The following AKR1C4 variants were observed in gnomAD, a reference collection of about 807,000 sequenced individuals.
The protein encoded by AKR1C4 is aldo-keto reductase family 1 member C4, also known as 3-alpha-HSD1.
In AKR1C4, 44 loss-of-function variants were observed where a neutral mutation model predicts 41.0. That is an observed-to-expected ratio of 1.07 (90% CI 0.84 to 1.38). The LOEUF (loss-of-function observed/expected upper bound fraction) is 1.38, where lower values mean the gene tolerates loss of function less well. Ranked by LOEUF, AKR1C4 falls within the 40% of genes most tolerant of loss-of-function variation. AKR1C4 has a pLI of 0.00. For synonymous variants in AKR1C4, 165 were observed against 137.7 expected (o/e 1.20, Z -1.39); for missense variants, 438 against 387.9 (o/e 1.13, Z -1.09).
chr10:5,208,776 A>G (rs1361706988), intron 5 of AKR1C4, among the ~76,000 whole-genome samples: 3 of 151,554 alleles, frequency 2.0e-5, no homozygotes, highest in Admixed American at 6.5e-5. Context: ...TAAATAGAAG[A>G]TGAAAAAATT....
chr10:5,216,165 A>G (rs558259291), intron 7 of AKR1C4, among the ~76,000 whole-genome samples: 4 of 152,332 alleles, frequency 2.6e-5, no homozygotes, highest in African/African-American at 9.6e-5. Context: ...GAGGGAAAAA[A>G]AGAAAATGTC....
chr10:5,197,682 G>C (rs1291527942), intron 1 of AKR1C4, among the ~76,000 whole-genome samples: 1 of 152,186 alleles, frequency 6.6e-6, no homozygotes, highest in Non-Finnish European at 1.5e-5. Flanking sequence ...TTCTACACTG[G>C]AAGAAAACTT....
At chr10:5,199,862 A>G (rs182011045) in intron 1 of AKR1C4, among the ~76,000 whole-genome samples, 112 of 152,304 alleles carry the variant, frequency 7.4e-4, no homozygotes, top group Non-Finnish European at 1.3e-3. Flanking sequence ...TCCTTGCCAT[A>G]AGGTAGAGGG....
chr10:5,204,763 G>A (rs1554797308), intron 3 of AKR1C4: 27 of 504,592 alleles, frequency 5.4e-5, no homozygotes, highest in Middle Eastern at 3.0e-4. Context: ...CTTAATTAGG[G>A]TTCCTGAGTC....
intron 7 of AKR1C4, among the ~76,000 whole-genome samples, chr10:5,213,574 G>C (rs782066078): frequency 1.3e-5 from 2 of 151,870 alleles, no homozygotes; most frequent in Non-Finnish European, 2.9e-5. Context: ...GAAATCTTTG[G>C]GTATTTTATT....
intron 1 of AKR1C4, 95 bp from the exon 2 acceptor site, chr10:5,200,086 C>A: frequency 6.7e-7 from 1 of 1,498,682 alleles, no homozygotes; most frequent in Non-Finnish European, 9.0e-7. Flanking sequence ...AGCCACACCC[C>A]CACTGCACAC....
chr10:5,199,476 C>T (rs7096122), intron 1 of AKR1C4, among the ~76,000 whole-genome samples: 3,123 of 152,222 alleles, frequency 0.021, 108 homozygotes, highest in African/African-American at 0.07. Flanking sequence ...CTGCCATGCC[C>T]CCATCCTGTG....
chr10:5,205,322 C>A (rs1393911385), intron 3 of AKR1C4, among the ~76,000 whole-genome samples: 1 of 152,134 alleles, frequency 6.6e-6, no homozygotes, highest in Non-Finnish European at 1.5e-5. Flanking sequence ...AAAGAACTTC[C>A]ATTTGAACAT....
At chr10:5,200,451 T>G in intron 2 of AKR1C4, 103 bp downstream of exon 2, 1 of 1,491,516 alleles carries the variant, frequency 6.7e-7, no homozygotes, top group Non-Finnish European at 8.9e-7. Flanking sequence ...ATTGTGCTTA[T>G]TAGTTCCAAT....
chr10:5,201,703 G>T (rs1462327392), intron 2 of AKR1C4, among the ~76,000 whole-genome samples: 1 of 152,182 alleles, frequency 6.6e-6, no homozygotes, highest in Admixed American at 6.5e-5. Context: ...ATGTTAAGAA[G>T]AGTTTTCCAA....
intron 3 of AKR1C4, 56 bp from the exon 4 acceptor site, chr10:5,205,701 A>G: frequency 6.8e-7 from 1 of 1,465,490 alleles, no homozygotes; most frequent in South Asian, 1.2e-5. Context: ...ACATGGGAGC[A>G]TGCCTATGGG....
chr10:5,203,851 T>A (rs1248936359), intron 2 of AKR1C4, among the ~76,000 whole-genome samples: 3 of 152,234 alleles, frequency 2.0e-5, no homozygotes, highest in African/African-American at 7.2e-5. Flanking sequence ...GTTTTTCTTA[T>A]GTCTGGGATG....
chr10:5,218,946 G>A lies in AKR1C4; in HGVS notation c.*186G>A. The A allele has an allele frequency of 2.0e-6, 1 of 509,236 alleles. No individual in the cohort carries two copies. The highest frequency in any genetic ancestry group is 3.5e-6 in the Non-Finnish European group (1 of 286,228). The allele number at this position is 509,236 out of a possible 1,614,324, so 31.5% of individuals were successfully genotyped here. A position where few individuals can be genotyped will look rare whatever the true frequency, so the allele number is the denominator to read the frequency against. ...AAACATAATAAATTTTTATCTTGAA[G>A]TAATTGAATGTTTTTCCTTAAAGAT... On this transcript the variant is annotated 3_prime_UTR_variant, in exon 9 of 9. Transcript: ENST00000263126.
At chr10:5,209,792 T>C (rs1832542778) in intron 5 of AKR1C4, among the ~76,000 whole-genome samples, 1 of 152,166 alleles carries the variant, frequency 6.6e-6, no homozygotes, top group Non-Finnish European at 1.5e-5. Flanking sequence ...ACCAGGTCCC[T>C]CCCACAACAC....
chr10:5,198,130 A>G (rs544292289), intron 1 of AKR1C4, among the ~76,000 whole-genome samples: 1 of 152,350 alleles, frequency 6.6e-6, no homozygotes, highest in East Asian at 1.9e-4. Flanking sequence ...ATCGTTTCTA[A>G]AAGAGTTGGT....
intron 7 of AKR1C4, among the ~76,000 whole-genome samples, chr10:5,214,460 T>C (rs904040389): frequency 3.9e-5 from 6 of 152,226 alleles, no homozygotes; most frequent in Non-Finnish European, 7.3e-5. Flanking sequence ...AGGGCTAATA[T>C]TTTGTTCTCT....
chr10:5,204,318 AAACT>A, intron 2 of AKR1C4, 55 bp from the exon 3 acceptor site: 1 of 1,303,664 alleles, frequency 7.7e-7, no homozygotes, highest in East Asian at 2.3e-5. Context: ...TAGGTGAAGC[AAACT>A]AATAAAACTA....
intron 8 of AKR1C4, among the ~76,000 whole-genome samples, chr10:5,218,034 T>C (rs1554798751): frequency 6.6e-6 from 1 of 152,058 alleles, no homozygotes; most frequent in African/African-American, 2.4e-5. Flanking sequence ...TAGAGGAAAA[T>C]AGTAAAATAG....
intron 2 of AKR1C4, among the ~76,000 whole-genome samples, chr10:5,202,247 A>G (rs553092174): frequency 1.3e-5 from 2 of 152,110 alleles, no homozygotes; most frequent in African/African-American, 4.8e-5. Context: ...TTGGTTAAGC[A>G]TATTCTTAGG....
Sources: allele counts gnomAD v4.1 joint callset (sites outside exome capture counted in the v4.1 genomes callset), GRCh38; gene constraint gnomAD v4.1.1; transcripts MANE v1.5; gene names NCBI Gene and HGNC (gene_info 2026-07-23, HGNC 2026-07-21).